DST: variants seen among roughly 807,000 people sequenced by gnomAD.
DST encodes the protein bullous pemphigoid antigen.
DST carries 253 observed loss-of-function variants against 875.2 expected under a neutral mutation model. That is an observed-to-expected ratio of 0.29 (90% CI 0.26 to 0.32). DST has a LOEUF of 0.32. Ranked by LOEUF, DST falls within the 10% of genes least tolerant of loss-of-function variation. The pLI, the probability that DST is intolerant of heterozygous loss-of-function variation, is 1.00. For synonymous variants in DST, 3,124 were observed against 3,197.1 expected (o/e 0.98, Z 0.77); for missense variants, 8,287 against 9,111.6 (o/e 0.91, Z 3.68).
chr6:56,696,039 CCATTCCAAATAGAT>C (rs1296798668), intron 9 of DST, among the ~76,000 whole-genome samples: 7 of 152,172 alleles, frequency 4.6e-5, no homozygotes, highest in Non-Finnish European at 1.0e-4. Flanking sequence ...TAGATGTGTT[CCATTCCAAATAGAT>C]TTTGGTCTAA....
At chr6:56,470,981 G>T in intron 95 of DST, 125 bp downstream of exon 95, 1 of 1,040,996 alleles carries the variant, frequency 9.6e-7, no homozygotes, top group Non-Finnish European at 1.4e-6. Flanking sequence ...TAAGGGTCGT[G>T]ACTTCCTAGG....
chr6:56,528,778 A>G lies in DST; in HGVS notation c.17680+63T>C, dbSNP rs2096845861. ...GTGTTTTGGTTTTTTCCCATCCCTAAAATATTTTGAAAACAATATAAAATG... is the reference window on the plus strand; with the variant it reads ...GTGTTTTGGTTTTTTCCCATCCCTAGAATATTTTGAAAACAATATAAAATG... On this transcript the variant is annotated intron_variant, in intron 67 of 103. Coordinates refer to ENST00000680361, the MANE Select transcript of DST (RefSeq NM_001374736.1). 1.7e-6 allele frequency: 2 copies of G among 1,210,456 alleles called. 1 individual carries two copies. The highest frequency in any genetic ancestry group is 2.8e-5 in the South Asian group (2 of 70,614). 75.0% of individuals were successfully genotyped at this position (1,210,456 alleles called of 1,614,324 possible). A position where few individuals can be genotyped will look rare whatever the true frequency, so the allele number is the denominator to read the frequency against.
chr6:56,663,016 C>G (rs2099053153), intron 10 of DST, among the ~76,000 whole-genome samples: 1 of 152,142 alleles, frequency 6.6e-6, no homozygotes, highest in South Asian at 2.1e-4. Flanking sequence ...TGGGAGGCTT[C>G]ATATTACAGA....
chr6:56,812,561 A>G (rs1002603319), intron 4 of DST, among the ~76,000 whole-genome samples: 3 of 152,240 alleles, frequency 2.0e-5, no homozygotes, highest in African/African-American at 7.2e-5. Flanking sequence ...CCAATAAAAC[A>G]GCTTTTAATA....
chr6:56,556,663 AT>A (rs2097424709), intron 59 of DST, among the ~76,000 whole-genome samples: 1 of 152,228 alleles, frequency 6.6e-6, no homozygotes, highest in South Asian at 2.1e-4. Context: ...GTACTCAGAC[AT>A]TAAAAAACTA....
intron 61 of DST, among the ~76,000 whole-genome samples, chr6:56,551,402 T>C (rs989222434): frequency 1.3e-5 from 2 of 152,208 alleles, no homozygotes; most frequent in Non-Finnish European, 2.9e-5. Flanking sequence ...CAGCCCCATA[T>C]AGAAAATTGC....
chr6:56,715,703 C>T (rs934734005), intron 5 of DST, among the ~76,000 whole-genome samples: 1 of 152,164 alleles, frequency 6.6e-6, no homozygotes, highest in Non-Finnish European at 1.5e-5. Flanking sequence ...TTCATCTATT[C>T]TTCTCAGGGC....
chr6:56,794,676 A>G (rs928922092), intron 4 of DST, among the ~76,000 whole-genome samples: 2 of 152,198 alleles, frequency 1.3e-5, no homozygotes, highest in Admixed American at 1.3e-4. Flanking sequence ...AACCCCCAGG[A>G]GGCTGGAGGT....
intron 56 of DST, among the ~76,000 whole-genome samples, 195 bp downstream of exon 56, chr6:56,561,943 A>G (rs1459277100): frequency 6.6e-6 from 1 of 152,166 alleles, no homozygotes; most frequent in Non-Finnish European, 1.5e-5. Flanking sequence ...ACTTGATTTT[A>G]CTTATTTCAG....
chr6:56,890,575 A>C (rs199838188), intron 3 of DST, among the ~76,000 whole-genome samples: 1 of 152,246 alleles, frequency 6.6e-6, no homozygotes, highest in East Asian at 1.9e-4. Flanking sequence ...CAAGGAGTAA[A>C]ATAAAAAATC....
At chr6:56,853,196 AATTT>A (rs1197421737) in intron 3 of DST, among the ~76,000 whole-genome samples, 5 of 152,120 alleles carry the variant, frequency 3.3e-5, no homozygotes, top group Admixed American at 6.5e-5. Context: ...CATCTTGGCT[AATTT>A]ATTTATTTAC....
At chr6:56,703,518 T>C (rs1281934251) in intron 7 of DST, 130 bp downstream of exon 7, 4 of 170,656 alleles carry the variant, frequency 2.3e-5, no homozygotes, top group Non-Finnish European at 4.7e-5. Flanking sequence ...CACATCTACC[T>C]CAATGTGGGT....
At chr6:56,836,557 A>G (rs1447769469) in intron 4 of DST, among the ~76,000 whole-genome samples, 3 of 152,216 alleles carry the variant, frequency 2.0e-5, no homozygotes, top group Non-Finnish European at 4.4e-5. Flanking sequence ...TTATGTAGAA[A>G]ATAAACAAAG....
chr6:56,610,855 G>C (rs1374823805), intron 38 of DST, among the ~76,000 whole-genome samples: 5 of 152,110 alleles, frequency 3.3e-5, no homozygotes, highest in Admixed American at 2.0e-4. Context: ...AGAGGGTAAG[G>C]TCTCATTGTT....
At chr6:56,524,528 T>G (rs151213198) in intron 69 of DST, among the ~76,000 whole-genome samples, 2 of 152,254 alleles carry the variant, frequency 1.3e-5, no homozygotes, top group East Asian at 3.9e-4. Context: ...ACTCTGCCAC[T>G]TACTGCTTGT....
intron 9 of DST, among the ~76,000 whole-genome samples, chr6:56,683,172 T>C (rs2099164727): frequency 1.3e-5 from 2 of 152,234 alleles, no homozygotes; most frequent in South Asian, 4.1e-4. Context: ...TTTTCTCTCT[T>C]CCCACTATCA....
chr6:56,463,143 A>G lies in DST; in HGVS notation c.22973T>C (p.Leu7658Ser). ...CCATGGTTTACCATAATTGCGTGTT[A>G]AAGGATGGAGAATCTGTATGGAACA... ...ATTTPKILHP[L>S]TRNYGKPWLT... Residue 7658 changes from leucine to serine, a missense_variant, in exon 102 of 104, where the codon TTA (leucine) becomes TCA (serine). Physicochemically the swap from Leu to Ser is moderately radical, Grantham distance 145 (BLOSUM62 -2). Around this residue, in one of 10 missense-constraint regions of DST, gnomAD observed 240 missense variants for 237.3 expected, o/e 1.01. Coordinates refer to ENST00000680361, the MANE Select transcript of DST (RefSeq NM_001374736.1). 5 of 1,609,230 alleles carry G rather than the reference A, an allele frequency of 3.1e-6. No individual in the cohort carries two copies. The highest frequency in any genetic ancestry group is 4.3e-6 in the Non-Finnish European group (5 of 1,175,612).
At chr6:56,869,618 A>G (rs1188433711) in intron 3 of DST, among the ~76,000 whole-genome samples, 2 of 152,180 alleles carry the variant, frequency 1.3e-5, no homozygotes, top group Admixed American at 6.5e-5. Context: ...CATAACCACA[A>G]GCTGATTCTC....
At position 56,954,615 on chromosome 6, in the gene DST, C is replaced by T. The variant is rs755166291; in HGVS notation, c.-28G>A. ...TGCGGGCGAGGCGAGGGCGACTCGA[C>T]GGCGGGGCTGGAGGGCGGCGGCACA... On this transcript the variant is annotated 5_prime_UTR_variant, in exon 1 of 104. Coordinates refer to ENST00000680361, the MANE Select transcript of DST (RefSeq NM_001374736.1). 4.1e-5 allele frequency: 54 copies of T among 1,317,498 alleles called. No individual in the cohort carries two copies. In the Admixed American group the frequency reaches 1.1e-3, roughly 27 times the overall value. 81.6% of individuals were successfully genotyped at this position (1,317,498 alleles called of 1,614,324 possible).
Sources: allele counts gnomAD v4.1 joint callset (sites outside exome capture counted in the v4.1 genomes callset), GRCh38; gene constraint gnomAD v4.1.1; regional missense constraint gnomAD v4.1.1; transcripts MANE v1.5; gene names NCBI Gene and HGNC (gene_info 2026-07-23, HGNC 2026-07-21).